GRID2: variants seen among roughly 807,000 people sequenced by gnomAD.
GRID2 encodes glutamate ionotropic receptor delta type subunit 2, also known as glutamate receptor ionotropic, delta-2.
GRID2 carries 33 observed loss-of-function variants against 114.8 expected under a neutral mutation model. That is an observed-to-expected ratio of 0.29 (90% CI 0.22 to 0.38). The LOEUF is 0.38. GRID2 is among the 10% of genes least tolerant of loss of function. The pLI is 1.00. For synonymous variants in GRID2, 505 were observed against 449.9 expected (o/e 1.12, Z -1.55); for missense variants, 1,184 against 1,257.7 (o/e 0.94, Z 0.89).
chr4:92,555,238 A>C (rs543790032), intron 1 of GRID2, among the ~76,000 whole-genome samples: 1 of 152,278 alleles, frequency 6.6e-6, no homozygotes, highest in East Asian at 1.9e-4. Context: ...TTAACCCATG[A>C]GAGTTATCCG....
intron 14 of GRID2, among the ~76,000 whole-genome samples, chr4:93,699,429 AGAAAGGATACAGGT>A (rs1283147460): frequency 6.6e-6 from 1 of 152,148 alleles, no homozygotes; most frequent in African/African-American, 2.4e-5. Flanking sequence ...CTGAAAGGGT[AGAAAGGATACAGGT>A]GCTGAGCAGT....
intron 14 of GRID2, among the ~76,000 whole-genome samples, chr4:93,751,289 A>G (rs1732296919): frequency 6.6e-6 from 1 of 152,176 alleles, no homozygotes; most frequent in South Asian, 2.1e-4. Flanking sequence ...CAACAGATCT[A>G]TCCATTTGCT....
At chr4:93,238,981 A>G (rs1747143061) in intron 8 of GRID2, among the ~76,000 whole-genome samples, 2 of 151,174 alleles carry the variant, frequency 1.3e-5, no homozygotes, top group African/African-American at 4.8e-5. Flanking sequence ...CTTGTTGGAT[A>G]CTACTGATCA....
intron 2 of GRID2, among the ~76,000 whole-genome samples, chr4:92,954,851 T>G (rs1752280566): frequency 7.1e-6 from 1 of 141,010 alleles, no homozygotes; most frequent in East Asian, 2.2e-4. Flanking sequence ...CACCTATGAG[T>G]GAGAATATGC....
chr4:92,539,777 C>T (rs554594054), intron 1 of GRID2, among the ~76,000 whole-genome samples: 21 of 151,882 alleles, frequency 1.4e-4, no homozygotes, highest in Admixed American at 5.2e-4. Flanking sequence ...TGTTTCTTTA[C>T]GTAAAAAGTG....
At chr4:92,577,742 T>C (rs2149199078) in intron 1 of GRID2, among the ~76,000 whole-genome samples, 1 of 151,890 alleles carries the variant, frequency 6.6e-6, no homozygotes, top group East Asian at 1.9e-4. Context: ...TATAAAGGAG[T>C]TGAAAATATT....
chr4:93,192,475 C>T (rs1216774591), intron 4 of GRID2, among the ~76,000 whole-genome samples: 2 of 152,080 alleles, frequency 1.3e-5, no homozygotes, highest in Non-Finnish European at 2.9e-5. Flanking sequence ...GGCACTGTGG[C>T]TCACGCCTGT....
chr4:93,669,202 T>G (rs1344059161), intron 14 of GRID2, among the ~76,000 whole-genome samples: 2 of 152,034 alleles, frequency 1.3e-5, no homozygotes, highest in Non-Finnish European at 2.9e-5. Context: ...TGAGTTAATG[T>G]GGGGTCATGT....
intron 1 of GRID2, among the ~76,000 whole-genome samples, chr4:92,431,989 C>T (rs181002367): frequency 1.6e-4 from 25 of 152,350 alleles, no homozygotes; most frequent in African/African-American, 6.0e-4. Flanking sequence ...GACTCTTGCA[C>T]ACTTGTAGAG....
intron 14 of GRID2, among the ~76,000 whole-genome samples, chr4:93,735,409 T>C (rs1234583849): frequency 2.0e-5 from 3 of 152,020 alleles, no homozygotes; most frequent in Non-Finnish European, 4.4e-5. Context: ...ATTTTCCACA[T>C]GTAATTTTAT....
intron 2 of GRID2, among the ~76,000 whole-genome samples, chr4:92,699,425 G>A (rs1734565233): frequency 6.6e-6 from 1 of 152,116 alleles, no homozygotes; most frequent in Non-Finnish European, 1.5e-5. Flanking sequence ...ATGATGTTTG[G>A]CATGCCTGTT....
intron 13 of GRID2, among the ~76,000 whole-genome samples, chr4:93,556,533 T>C (rs1490111200): frequency 6.6e-6 from 1 of 151,942 alleles, no homozygotes; most frequent in African/African-American, 2.4e-5. Context: ...CTTAATGAAA[T>C]AAGTGTGAAG....
intron 1 of GRID2, among the ~76,000 whole-genome samples, chr4:92,350,825 C>T (rs1728028762): frequency 6.6e-6 from 1 of 151,708 alleles, no homozygotes; most frequent in African/African-American, 2.4e-5. Flanking sequence ...GTGGTCACTC[C>T]AATTTTCCCC....
intron 1 of GRID2, among the ~76,000 whole-genome samples, chr4:92,422,088 A>T (rs1238862621): frequency 6.6e-6 from 1 of 152,108 alleles, no homozygotes; most frequent in Non-Finnish European, 1.5e-5. Flanking sequence ...AGTAAGGTGG[A>T]TGAGGAAGAC....
chr4:93,386,536 G>A (rs1471934138), intron 8 of GRID2, among the ~76,000 whole-genome samples: 2 of 152,104 alleles, frequency 1.3e-5, no homozygotes. Context: ...TGAAAGTAAC[G>A]ATTAAGCTTT....
chr4:93,651,787 C>T (rs1722601757), intron 14 of GRID2, among the ~76,000 whole-genome samples: 1 of 152,068 alleles, frequency 6.6e-6, no homozygotes, highest in African/African-American at 2.4e-5. Context: ...TCCCATTTAA[C>T]AAGTATTTGT....
intron 1 of GRID2, among the ~76,000 whole-genome samples, chr4:93,799,622 C>A (rs1318955244): frequency 6.6e-6 from 1 of 152,044 alleles, no homozygotes; most frequent in East Asian, 1.9e-4. Flanking sequence ...CATTATTGAA[C>A]AATTCCAGTC....
At position 93,132,655 on chromosome 4, in the gene GRID2, A is replaced by G. The variant is rs562403963; in HGVS notation, c.735+21702A>G. 8.7e-4 allele frequency among the ~76,000 whole-genome samples: 132 copies of G among 152,322 alleles called. 1 individual carries two copies. The highest frequency in any genetic ancestry group is 1.5e-3 in the Non-Finnish European group (103 of 68,028). On this transcript the variant is annotated intron_variant, in intron 4 of 15. Coordinates refer to ENST00000282020, the MANE Select transcript of GRID2 (RefSeq NM_001510.4). The stretch of plus-strand genomic sequence containing the variant: ...ATTATTATTTCTTAATTCTGTTAAA[A>G]CATAAAAGATGAAAGGCTAAAATGT...
At chr4:92,529,677 C>T (rs1725233516) in intron 1 of GRID2, among the ~76,000 whole-genome samples, 1 of 151,944 alleles carries the variant, frequency 6.6e-6, no homozygotes, top group Non-Finnish European at 1.5e-5. Context: ...TGGATTTTAC[C>T]CTGAGAAGAT....
Sources: allele counts gnomAD v4.1 joint callset (sites outside exome capture counted in the v4.1 genomes callset), GRCh38; gene constraint gnomAD v4.1.1; transcripts MANE v1.5; gene names NCBI Gene and HGNC (gene_info 2026-07-23, HGNC 2026-07-21).